Variants in PDE1C observed in about 807,000 individuals in gnomAD.
PDE1C encodes the protein phosphodiesterase 1C.
Under a neutral mutation model 93.1 loss-of-function variants are expected in PDE1C, and 62 were observed. The ratio of observed to expected loss-of-function variants is 0.67; its 90% CI spans 0.54 to 0.82. The LOEUF (loss-of-function observed/expected upper bound fraction) is 0.82. Ranked by LOEUF, PDE1C falls within the 40% of genes least tolerant of loss-of-function variation. The pLI is 0.00. For synonymous variants in PDE1C, 325 were observed against 310.1 expected (o/e 1.05, Z -0.50); for missense variants, 742 against 884.6 (o/e 0.84, Z 2.04).
At chr7:32,151,836 G>A (rs375478640) in intron 3 of PDE1C, among the ~76,000 whole-genome samples, 63 of 152,262 alleles carry the variant, frequency 4.1e-4, no homozygotes, top group African/African-American at 1.4e-3. Flanking sequence ...GTTGATTATG[G>A]TGATGGGTTC....
upstream of PDE1C, among the ~76,000 whole-genome samples, chr7:32,072,515 G>A (rs1298521328): frequency 2.6e-5 from 4 of 152,234 alleles, no homozygotes; most frequent in East Asian, 5.8e-4. Context: ...ATAGTGACGT[G>A]TTTTGAGAAT....
chr7:32,039,136 G>A (rs532124911), intron 2 of PDE1C, among the ~76,000 whole-genome samples: 2 of 152,208 alleles, frequency 1.3e-5, no homozygotes, highest in Admixed American at 1.3e-4. Flanking sequence ...CTGAAGGAAT[G>A]GGGCTTCTGT....
intron 16 of PDE1C, among the ~76,000 whole-genome samples, chr7:31,801,699 C>G (rs560335958): frequency 4.0e-5 from 6 of 151,586 alleles, no homozygotes; most frequent in Non-Finnish European, 7.4e-5. Flanking sequence ...TCTTGATAAA[C>G]AGACAACATT....
chr7:31,974,774 G>T (rs1238962373), intron 2 of PDE1C, among the ~76,000 whole-genome samples: 1 of 152,186 alleles, frequency 6.6e-6, no homozygotes, highest in African/African-American at 2.4e-5. Flanking sequence ...GGAAATCAGA[G>T]AACTCTGGGG....
chr7:31,930,715 G>A (rs888542254), intron 2 of PDE1C, among the ~76,000 whole-genome samples: 1 of 151,662 alleles, frequency 6.6e-6, no homozygotes, highest in African/African-American at 2.4e-5. Context: ...CAGGCATGGT[G>A]GTACACACCT....
chr7:32,133,807 C>T (rs1163610970), intron 3 of PDE1C, among the ~76,000 whole-genome samples: 1 of 152,082 alleles, frequency 6.6e-6, no homozygotes, highest in African/African-American at 2.4e-5. Flanking sequence ...ACAAGTCAAT[C>T]TTAACCCAAA....
chr7:32,413,582 G>T (rs944205657), intron 1 of PDE1C, among the ~76,000 whole-genome samples: 7 of 152,072 alleles, frequency 4.6e-5, no homozygotes, highest in African/African-American at 1.7e-4. Flanking sequence ...GCGGGAAATG[G>T]GGAGATACTG....
intron 1 of PDE1C, among the ~76,000 whole-genome samples, chr7:32,341,173 C>CTATTTTTTATTTTTT (rs796122014): frequency 3.5e-5 from 3 of 84,958 alleles, no homozygotes; most frequent in Non-Finnish European, 6.4e-5. Flanking sequence ...GAAATAAAGT[C>CTATTTTTTATTTTTT]TTTTTTTTTT....
Position 31,816,130 on chromosome 7 carries a change from T to C in PDE1C, c.1607A>G (p.Glu536Gly). 6.2e-7 allele frequency: 1 copy of C among 1,613,920 alleles called. No individual in the cohort carries two copies. The highest frequency in any genetic ancestry group is 8.5e-7 in the Non-Finnish European group (1 of 1,179,918). The change falls in exon 15 of 18, where the codon GAG becomes GGG. Residue 536 changes from glutamate (E) to glycine (G), a missense_variant. This residue lies in a region of PDE1C where 454 missense variants were observed against 459.4 expected (regional missense o/e 0.99). Coordinates refer to ENST00000396191, the MANE Select transcript of PDE1C (RefSeq NM_001191057.4). ...CTCTGCGGCCAGGCGAGCCTTTTCC[T>C]CTGCTTCCTTCTTGGCCTTCTCCTC... is the stretch of plus-strand genomic sequence containing the variant. ...PKEEKAKKEA[E>G]EKARLAAEEQ...
chr7:31,642,251 C>G, the PDE1C span: 1 of 1,550,810 alleles, frequency 6.4e-7, no homozygotes, highest in South Asian at 1.2e-5. Flanking sequence ...GAACCGCTGC[C>G]CCTCCAGGTA....
intron 2 of PDE1C, among the ~76,000 whole-genome samples, chr7:32,195,772 G>C (rs1020535323): frequency 3.3e-5 from 5 of 152,130 alleles, no homozygotes; most frequent in African/African-American, 4.8e-5. Flanking sequence ...GACTTTCTAT[G>C]GCACAGATTA....
At position 32,282,976 on chromosome 7, in the gene PDE1C, T is replaced by C. The variant is rs79808329; in HGVS notation, c.85+15675A>G. Among the ~76,000 whole-genome samples, 406 of 152,328 alleles carry C rather than the reference T, an allele frequency of 2.7e-3. 2 individuals carry two copies. The highest frequency in any genetic ancestry group is 5.0e-3 in the Non-Finnish European group (341 of 68,024). On this transcript the variant is annotated intron_variant, in intron 1 of 18. Coordinates refer to the PDE1C transcript ENST00000396193. Reference sequence around the variant, plus strand: ...GAAACCTCAAACCTCACGTGTGGAATTGCAAACTGGTAAGACATTGGAGAG... The same window carrying C: ...GAAACCTCAAACCTCACGTGTGGAACTGCAAACTGGTAAGACATTGGAGAG...
At chr7:32,138,508 C>G (rs1219142247) in intron 3 of PDE1C, among the ~76,000 whole-genome samples, 1 of 152,138 alleles carries the variant, frequency 6.6e-6, no homozygotes, top group African/African-American at 2.4e-5. Flanking sequence ...TTAGCACACT[C>G]TCCTTGCCCC....
chr7:31,619,339 G>A, the PDE1C span, among the ~76,000 whole-genome samples: 1 of 152,146 alleles, frequency 6.6e-6, no homozygotes, highest in Admixed American at 6.5e-5. Flanking sequence ...TGCCAACAAT[G>A]ATTGGTGACA....
chr7:32,100,913 C>T (rs1364607523), intron 3 of PDE1C, among the ~76,000 whole-genome samples: 1 of 152,140 alleles, frequency 6.6e-6, no homozygotes, highest in Non-Finnish European at 1.5e-5. Flanking sequence ...TGATTCAATT[C>T]ACCATCACTT....
At chr7:31,642,860 C>A in the PDE1C span, 39 of 1,613,906 alleles carry the variant, frequency 2.4e-5, no homozygotes, top group Non-Finnish European at 2.8e-5. Context: ...GAACAAAGGG[C>A]CTCAGTATCT....
intron 2 of PDE1C, among the ~76,000 whole-genome samples, chr7:31,955,729 T>G (rs1808040616): frequency 6.6e-6 from 1 of 152,086 alleles, no homozygotes; most frequent in African/African-American, 2.4e-5. Flanking sequence ...GTAAAAAAAT[T>G]GAGGGTCCGG....
the PDE1C span, among the ~76,000 whole-genome samples, chr7:31,668,568 C>G: frequency 6.6e-6 from 1 of 151,950 alleles, no homozygotes; most frequent in Non-Finnish European, 1.5e-5. Flanking sequence ...GTAAACGAAA[C>G]CAGCCACAAA....
the PDE1C span, among the ~76,000 whole-genome samples, chr7:31,637,420 A>G: frequency 8.5e-5 from 13 of 152,168 alleles, no homozygotes; most frequent in Non-Finnish European, 1.6e-4. Flanking sequence ...CTTTTTAATG[A>G]TCGCCAGTCT....
Sources: allele counts gnomAD v4.1 joint callset (sites outside exome capture counted in the v4.1 genomes callset), GRCh38; gene constraint gnomAD v4.1.1; regional missense constraint gnomAD v4.1.1; transcripts MANE v1.5; gene names NCBI Gene and HGNC (gene_info 2026-07-23, HGNC 2026-07-21).